The following TPP1 variants were observed in gnomAD, a reference collection of about 807,000 sequenced individuals.
TPP1 encodes the protein tripeptidyl peptidase 1.
TPP1 carries 43 observed loss-of-function variants against 67.6 expected under a neutral mutation model. The ratio of observed to expected loss-of-function variants is 0.64; its 90% CI spans 0.50 to 0.82. TPP1 has a LOEUF of 0.82. Among genes scored for constraint, TPP1 ranks in the 40% least tolerant of loss-of-function variants. The pLI is 0.00. For synonymous variants in TPP1, 272 were observed against 281.5 expected, an observed-to-expected ratio of 0.97 and a Z score of 0.34; for missense variants, 671 against 710.9, an observed-to-expected ratio of 0.94 and a Z score of 0.64.
rs756963463 is a variant in TPP1 at position 6,614,920 on chromosome 11, A to AG, written c.1496dup (p.Leu500SerfsTer18). 6.2e-7 allele frequency: 1 copy of AG among 1,614,116 alleles called. No individual in the cohort carries two copies. On this transcript the variant is annotated frameshift_variant, in exon 12 of 13. Transcript: ENST00000299427. LOFTEE classifies it high-confidence loss of function. The stretch of plus-strand genomic sequence containing the variant: ...AGAGCCTTGGGTTGAGAAAGCCAAG[A>AG]GGGGGGCGGCCACTAAGGATCCTGT...
chr11:6,614,824 T>C, intron 12 of TPP1, 42 bp downstream of exon 12: 3 of 1,613,818 alleles, frequency 1.9e-6, no homozygotes, highest in Non-Finnish European at 2.5e-6. Context: ...GCACTCCCCA[T>C]AGTTGTTTGA....
At chr11:6,618,008 G>A in intron 3 of TPP1, 1 of 592,946 alleles carries the variant, frequency 1.7e-6, no homozygotes, top group South Asian at 1.9e-5. Flanking sequence ...AGTTGCAAAT[G>A]TCGCACCACA....
rs550590502 is a variant in TPP1 at position 6,617,099 on chromosome 11, G to T, written c.563C>A (p.Pro188Gln). Residue 188 changes from proline to glutamine, a missense_variant, in exon 6 of 13, where the codon CCG becomes CAG. Coordinates refer to ENST00000299427, the MANE Select transcript of TPP1 (RefSeq NM_000391.4). The part of the protein sequence containing the change: ...PTSSLRQRPE[P>Q]QVTGTVGLHL... ...CAGGCCTACAGTCCCTGTCACCTGC[G>T]GCTCAGGACGTTGCCTCAGGGATGA... The T allele has an allele frequency of 1.2e-6, 2 of 1,614,016 alleles. No individual in the cohort carries two copies. The highest frequency in any genetic ancestry group is 1.7e-6 in the Non-Finnish European group (2 of 1,180,008).
intron 11 of TPP1, 46 bp from the exon 12 acceptor site, chr11:6,615,037 T>A (rs1253314906): frequency 2.5e-6 from 4 of 1,613,706 alleles, no homozygotes; most frequent in Admixed American, 1.7e-5. Flanking sequence ...TCTGAGTGAT[T>A]GGACTTTTTG....
At position 6,616,345 on chromosome 11, in the gene TPP1, C is replaced by T. The variant is rs1085307673; in HGVS notation, c.1045G>A (p.Ala349Thr). ...GCGAAGAGCAGGGTGAGACCCCGAGCGGCAGCCTTCATGAGCTCAGTGTTG... is the reference window on the plus strand; with the variant it reads ...GCGAAGAGCAGGGTGAGACCCCGAGTGGCAGCCTTCATGAGCTCAGTGTTG... The part of the protein sequence containing the change: ...RVNTELMKAA[A>T]RGLTLLFASG... The change falls in exon 8 of 13, where the codon GCT becomes ACT. Residue 349 changes from alanine (A) to threonine (T), a missense_variant. By Grantham distance (58) the Ala-to-Thr change is moderately conservative (BLOSUM62 0). Coordinates refer to ENST00000299427, the MANE Select transcript of TPP1 (RefSeq NM_000391.4). 1.7e-5 allele frequency: 27 copies of T among 1,613,360 alleles called. No homozygotes were observed. The highest frequency in any genetic ancestry group is 6.7e-5 in the African/African-American group (5 of 74,868).
chr11:6,616,095 C>A, intron 8 of TPP1, 21 bp from the exon 9 acceptor site: 1 of 1,613,986 alleles, frequency 6.2e-7, no homozygotes, highest in East Asian at 2.2e-5. Context: ...CCAAGTGTAG[C>A]ATTCATATTA....
intron 9 of TPP1, 93 bp downstream of exon 9, chr11:6,615,912 G>A: frequency 7.1e-7 from 1 of 1,417,326 alleles, no homozygotes; most frequent in South Asian, 1.2e-5. Context: ...TGAACCACAG[G>A]AGCACATGGT....
In TPP1 at chr11:6,615,569, G is replaced by A. The variant is rs1270176452; in HGVS notation, c.1146-7C>T. 2.5e-6 allele frequency: 4 copies of A among 1,613,980 alleles called. No homozygotes were observed. The highest frequency in any genetic ancestry group is 3.4e-6 in the Non-Finnish European group (4 of 1,180,032). ...CACTGTGGTGACATAGGGGCTGAGG[G>A]GAGAAGACAGCATTTGGATAGTAGG... is the stretch of plus-strand genomic sequence containing the variant. On this transcript the variant is annotated splice_polypyrimidine_tract_variant and splice_region_variant and intron_variant, in intron 9 of 12. Coordinates refer to ENST00000299427, the MANE Select transcript of TPP1 (RefSeq NM_000391.4).
rs369352772 is a variant in TPP1, at chr11:6,612,976, G to A, written c.*1570C>T. 261 of 152,778 alleles carry A rather than the reference G, an allele frequency of 1.7e-3. 2 individuals are homozygous for A. The highest frequency in any genetic ancestry group is 3.4e-3 in the Middle Eastern group (1 of 296). 9.5% of individuals were successfully genotyped at this position (152,778 alleles called of 1,614,324 possible). On this transcript the variant is annotated 3_prime_UTR_variant, in exon 13 of 13. Coordinates refer to ENST00000299427, the MANE Select transcript of TPP1 (RefSeq NM_000391.4). ...GGGCGCAGTGCAAGGGAGGAAGGGC[G>A]TTAACATCTGCCACCTACTTCCAGG...
Position 6,615,306 on chromosome 11 carries a change from C to T in TPP1, c.1290G>A (p.Leu430=). The change falls in exon 11 of 13, where the codon CTG becomes CTA. Residue 430 remains leucine (L), a synonymous_variant. Coordinates refer to ENST00000299427, the MANE Select transcript of TPP1 (RefSeq NM_000391.4). ...ATGGTGGCAGGTGGGGGCTAGAGCT[C>T]AGGAACTTCGTTACAGCTTCCTCCT... ...SYQEEAVTKF[L]SSSPHLPPSS... 6.2e-7 allele frequency: 1 copy of T among 1,614,154 alleles called. No individual in the cohort carries two copies. The highest frequency in any genetic ancestry group is 8.5e-7 in the Non-Finnish European group (1 of 1,180,018).
chr11:6,618,984 T>G, intron 2 of TPP1, 69 bp from the exon 3 acceptor site: 4 of 1,601,384 alleles, frequency 2.5e-6, no homozygotes, highest in Non-Finnish European at 3.4e-6. Context: ...TCATGGAAGG[T>G]TCCAGATTAG....
intron 3 of TPP1, chr11:6,618,445 G>T: frequency 1.8e-6 from 1 of 544,238 alleles, no homozygotes; most frequent in Non-Finnish European, 3.3e-6. Flanking sequence ...CGTAACAAAA[G>T]ACGGCAAGAA....
chr11:6,615,050 A>G, intron 11 of TPP1, 59 bp from the exon 12 acceptor site: 1 of 1,613,562 alleles, frequency 6.2e-7, no homozygotes, highest in Non-Finnish European at 8.5e-7. Context: ...ACTTTTTGGG[A>G]GTGATGCTTT....
Position 6,616,724 on chromosome 11 carries a change from G to A in TPP1, c.823C>T (p.Leu275=). ...GRGRAGIEAS[L]DVQYLMSAGA... is the part of the protein sequence containing the mutation. ...GCACTCATCAGGTACTGCACATCTA[G>A]ACTGGCCTCAATCCCGGCCCGGCCC... The change falls in exon 7 of 13, where the codon CTA becomes TTA. Residue 275 remains leucine, a synonymous_variant. Transcript: ENST00000299427. 6.2e-7 allele frequency: 1 copy of A among 1,614,078 alleles called. No homozygotes were observed. The highest frequency in any genetic ancestry group is 8.5e-7 in the Non-Finnish European group (1 of 1,180,012).
rs2555171 is a variant in TPP1, at chr11:6,614,406, A to G, written c.*140T>C. On this transcript the variant is annotated 3_prime_UTR_variant, in exon 13 of 13. Transcript: ENST00000299427. ...GGGTTGGGAGTCAAGTCAAGCTCAC[A>G]GCATTTCAGGGTTAGGGAGATAAGC... The G allele has an allele frequency of 2.5e-6, 3 of 1,200,960 alleles. No individual in the cohort carries two copies. The highest frequency in any genetic ancestry group is 3.6e-6 in the Non-Finnish European group (3 of 839,058). 74.4% of individuals were successfully genotyped at this position (1,200,960 alleles called of 1,614,324 possible). A position where few individuals can be genotyped will look rare whatever the true frequency, so the allele number is the denominator to read the frequency against.
chr11:6,615,418 A>T (rs1468593620), intron 10 of TPP1, 24 bp downstream of exon 10: 7 of 1,614,204 alleles, frequency 4.3e-6, no homozygotes, highest in Non-Finnish European at 5.1e-6. Flanking sequence ...CTTACCCTGC[A>T]TCCATCCACA....
chr11:6,618,393 C>T, intron 3 of TPP1: 1 of 431,614 alleles, frequency 2.3e-6, no homozygotes, highest in African/African-American at 2.0e-5. Flanking sequence ...AGCTGGGGAG[C>T]TGGGCAGTAG....
chr11:6,619,193 C>CA lies in TPP1; in HGVS notation c.89+2dup. On this transcript the variant is annotated splice_region_variant and intron_variant, in intron 2 of 12. Coordinates refer to ENST00000299427, the MANE Select transcript of TPP1 (RefSeq NM_000391.4). ...GGGGGCAGTCTGTGCTAAGTCAACT[C>CA]ACGTCCTCCGCTGGTCGGGCTCCGG... The CA allele has an allele frequency of 1.2e-6, 2 of 1,614,102 alleles. No homozygotes were observed. The highest frequency in any genetic ancestry group is 1.7e-6 in the Non-Finnish European group (2 of 1,179,994).
rs1172935715 is a variant in TPP1, at chr11:6,614,404, A to T, written c.*142T>A. 5.1e-6 allele frequency: 6 copies of T among 1,177,106 alleles called. No individual in the cohort carries two copies. The African/African-American group carries it at 9.0e-5, about 18-fold the overall frequency. 72.9% of individuals were successfully genotyped at this position (1,177,106 alleles called of 1,614,324 possible). A position where few individuals can be genotyped will look rare whatever the true frequency, so the allele number is the denominator to read the frequency against. On this transcript the variant is annotated 3_prime_UTR_variant, in exon 13 of 13. Coordinates refer to ENST00000299427, the MANE Select transcript of TPP1 (RefSeq NM_000391.4). ...TAGGGTTGGGAGTCAAGTCAAGCTC[A>T]CAGCATTTCAGGGTTAGGGAGATAA...
Sources: allele counts gnomAD v4.1 joint callset, GRCh38; gene constraint gnomAD v4.1.1; transcripts MANE v1.5; gene names NCBI Gene and HGNC (gene_info 2026-07-23, HGNC 2026-07-21).